PARD3B: variants seen among roughly 807,000 people sequenced by gnomAD.
The protein encoded by PARD3B is partitioning defective 3 homolog B.
PARD3B carries 103 observed loss-of-function variants against 130.2 expected under a neutral mutation model. That is an observed-to-expected ratio of 0.79 (90% confidence interval 0.67 to 0.93). PARD3B has a LOEUF of 0.93. Among genes scored for constraint, PARD3B ranks in the 40% least tolerant of loss-of-function variants. The pLI is 0.00. For synonymous variants in PARD3B, 583 were observed against 553.2 expected, an observed-to-expected ratio of 1.05 and a Z score of -0.76; for missense variants, 1,609 against 1,499.2, an observed-to-expected ratio of 1.07 and a Z score of -1.21.
chr2:205,390,753 C>T (rs2045829192), intron 18 of PARD3B, among the ~76,000 whole-genome samples: 1 of 152,122 alleles, frequency 6.6e-6, no homozygotes, highest in Non-Finnish European at 1.5e-5. Flanking sequence ...TTCATATTGT[C>T]CGTTTGTTCT....
At chr2:205,329,411 C>T (rs1304798946) in intron 18 of PARD3B, among the ~76,000 whole-genome samples, 1 of 152,170 alleles carries the variant, frequency 6.6e-6, no homozygotes, top group Non-Finnish European at 1.5e-5. Context: ...TATGGTAAGA[C>T]ATTAGCACAT....
chr2:205,042,393 G>T (rs1415454431), intron 3 of PARD3B, among the ~76,000 whole-genome samples: 1 of 152,102 alleles, frequency 6.6e-6, no homozygotes, highest in African/African-American at 2.4e-5. Flanking sequence ...TCTTCCTAAA[G>T]GTCTGTACAG....
chr2:204,662,940 T>C (rs2125187652), intron 1 of PARD3B, among the ~76,000 whole-genome samples: 1 of 152,258 alleles, frequency 6.6e-6, no homozygotes, highest in Non-Finnish European at 1.5e-5. Context: ...CTATTACATA[T>C]TTTCCAAATG....
chr2:204,953,574 G>T (rs541657024), intron 2 of PARD3B, among the ~76,000 whole-genome samples: 4 of 152,108 alleles, frequency 2.6e-5, no homozygotes, highest in South Asian at 2.1e-4. Flanking sequence ...GAGGGATCTG[G>T]GGGAGTTATA....
In PARD3B at chr2:205,351,930, A is replaced by G. The variant is rs1574779519; in HGVS notation, c.2631-49083A>G. 6.6e-6 allele frequency among the ~76,000 whole-genome samples: 1 copy of G among 152,204 alleles called. No homozygotes were observed. The highest frequency in any genetic ancestry group is 6.5e-5 in the Admixed American group (1 of 15,290). On this transcript the variant is annotated intron_variant, in intron 18 of 22. Transcript: ENST00000406610. The surrounding 1 kb of genome is among the most constrained non-coding windows in gnomAD (Gnocchi z 4.2). ...CTGTCAAGCTACCTGCCTCCCAGGT[A>G]CACGCGTATTGCTGAGGAAACACAA...
At chr2:205,340,163 G>A (rs903822515) in intron 18 of PARD3B, among the ~76,000 whole-genome samples, 1 of 152,060 alleles carries the variant, frequency 6.6e-6, no homozygotes, top group African/African-American at 2.4e-5. Context: ...TCTATAGATT[G>A]CTTTGGGTAG....
At chr2:205,593,655 G>C (rs189389012) in intron 22 of PARD3B, among the ~76,000 whole-genome samples, 1 of 152,316 alleles carries the variant, frequency 6.6e-6, no homozygotes, top group East Asian at 1.9e-4. Flanking sequence ...CATGGAACAA[G>C]GAGGTAAATT....
At chr2:204,721,966 A>G (rs777018530) in intron 2 of PARD3B, among the ~76,000 whole-genome samples, 74 of 152,160 alleles carry the variant, frequency 4.9e-4, no homozygotes, top group Non-Finnish European at 8.5e-4. Flanking sequence ...AGAAACTCTA[A>G]TGATATTTTA....
chr2:205,212,914 G>A (rs1921782), intron 15 of PARD3B, among the ~76,000 whole-genome samples: 105,315 of 152,064 alleles, frequency 0.69, 36,988 homozygotes, highest in African/African-American at 0.8. Context: ...CTTCATAGCT[G>A]TATGTCAGGC....
chr2:204,712,572 CCA>C (rs2038502718), intron 2 of PARD3B, among the ~76,000 whole-genome samples: 2 of 148,320 alleles, frequency 1.3e-5, no homozygotes. Flanking sequence ...GGAGATCACG[CCA>C]CTGCACTTTA....
chr2:205,042,921 T>C (rs1261357258), intron 3 of PARD3B, among the ~76,000 whole-genome samples: 3 of 151,980 alleles, frequency 2.0e-5, no homozygotes, highest in Non-Finnish European at 4.4e-5. Flanking sequence ...GAATTTATGC[T>C]TTAAAATACT....
At chr2:205,574,413 C>T (rs573425660) in intron 22 of PARD3B, among the ~76,000 whole-genome samples, 12 of 152,166 alleles carry the variant, frequency 7.9e-5, no homozygotes, top group South Asian at 2.1e-4. Flanking sequence ...ATCTATGCTA[C>T]GCCATCTGTG....
At position 205,021,511 on chromosome 2, in the gene PARD3B, G is replaced by A. The variant is rs1418068874; in HGVS notation, c.395-26070G>A. Among the ~76,000 whole-genome samples the A allele has an allele frequency of 1.3e-5, 2 of 151,860 alleles. No individual in the cohort carries two copies. The highest frequency in any genetic ancestry group is 2.9e-5 in the Non-Finnish European group (2 of 67,998). ...CTTTGGAAGGACTGGTTGCAAAGTG[G>A]AACCAGAGTATATTGCAGTTTCACA... is the stretch of plus-strand genomic sequence containing the variant. On this transcript the variant is annotated intron_variant, in intron 3 of 22. Transcript: ENST00000406610. The surrounding 1 kb of genome is among the most constrained non-coding windows in gnomAD (Gnocchi z 4.5).
chr2:204,891,844 C>T (rs1209067873), intron 2 of PARD3B, among the ~76,000 whole-genome samples: 1 of 152,158 alleles, frequency 6.6e-6, no homozygotes, highest in East Asian at 1.9e-4. Flanking sequence ...CTTTGTGCTC[C>T]TGTTCTGGTA....
intron 18 of PARD3B, among the ~76,000 whole-genome samples, chr2:205,349,341 A>G (rs955547165): frequency 2.0e-5 from 3 of 152,156 alleles, no homozygotes; most frequent in African/African-American, 7.2e-5. Flanking sequence ...AAAGAGACCC[A>G]AACCACCATT....
intron 10 of PARD3B, among the ~76,000 whole-genome samples, chr2:205,134,249 G>A (rs1237155835): frequency 2.0e-5 from 3 of 152,132 alleles, no homozygotes; most frequent in South Asian, 2.1e-4. Context: ...ACGACTGGGT[G>A]TGGTGGCTCA....
chr2:205,302,949 C>CG (rs1559640772), intron 18 of PARD3B, among the ~76,000 whole-genome samples: 1 of 152,172 alleles, frequency 6.6e-6, no homozygotes. Context: ...ATTGACTAGA[C>CG]GGGGCTCAAC....
chr2:204,881,460 A>G (rs2046043700), intron 2 of PARD3B, among the ~76,000 whole-genome samples: 2 of 152,200 alleles, frequency 1.3e-5, no homozygotes, highest in South Asian at 4.1e-4. Context: ...TTTGCTTAAT[A>G]AGAAAACAAT....
intron 1 of PARD3B, among the ~76,000 whole-genome samples, chr2:204,683,062 C>A (rs113232761): frequency 2.7e-3 from 415 of 152,236 alleles, no homozygotes; most frequent in African/African-American, 9.2e-3. Context: ...AATTCATTCT[C>A]ATAGGCTAGT....
Sources: allele counts gnomAD v4.1 joint callset (sites outside exome capture counted in the v4.1 genomes callset), GRCh38; gene constraint gnomAD v4.1.1; non-coding constraint Gnocchi (gnomAD v3.1); transcripts MANE v1.5; gene names NCBI Gene and HGNC (gene_info 2026-07-23, HGNC 2026-07-21).